Variants in MTUS1 observed in about 807,000 individuals in gnomAD.
MTUS1 encodes microtubule associated scaffold protein 1.
A neutral mutation model predicts 120.8 loss-of-function variants in MTUS1; 109 were observed. The ratio of observed to expected loss-of-function variants is 0.90; its 90% CI spans 0.77 to 1.06. The LOEUF is 1.06. Among genes scored for constraint, MTUS1 ranks in the 50% least tolerant of loss-of-function variants. The probability of loss-of-function intolerance (pLI) is 0.00; values close to 1 mark genes in which losing one functional copy is unlikely to be tolerated. For synonymous variants in MTUS1, 737 were observed against 550.5 expected, an observed-to-expected ratio of 1.34 and a Z score of -4.74; for missense variants, 2,210 against 1,486.3, an observed-to-expected ratio of 1.49 and a Z score of -8.01.
chr8:17,757,809 G>A (rs376400838), intron 1 of MTUS1, among the ~76,000 whole-genome samples: 8 of 152,182 alleles, frequency 5.3e-5, no homozygotes, highest in Non-Finnish European at 1.0e-4. Flanking sequence ...TTACAGGCAT[G>A]AGCCACCACG....
At chr8:17,673,735 G>A (rs750065634) in intron 8 of MTUS1, among the ~76,000 whole-genome samples, 2 of 152,286 alleles carry the variant, frequency 1.3e-5, no homozygotes, top group African/African-American at 4.8e-5. Context: ...GATTACAGGT[G>A]TGAGCTACCA....
At chr8:17,676,497 C>G (rs555219773) in intron 7 of MTUS1, 4 of 596,728 alleles carry the variant, frequency 6.7e-6, no homozygotes, top group Non-Finnish European at 1.2e-5. Context: ...CCGTGTGCCT[C>G]GGATTCCTCA....
rs373457770 is a variant in MTUS1, at chr8:17,715,891, G to T, written c.2460C>A (p.Ala820=). 6 of 1,610,666 alleles carry T rather than the reference G, an allele frequency of 3.7e-6. No individual in the cohort carries two copies. Among genetic ancestry groups the T allele is most frequent in the Non-Finnish European group, 3.4e-6 (4 of 1,179,166 alleles). Residue 820 remains alanine (A), a synonymous_variant, in exon 5 of 15, where the codon GCC becomes GCA. Coordinates refer to ENST00000693296, the MANE Select transcript of MTUS1 (RefSeq NM_001363059.2). ...LSTYSNNSGN[A]AVIKYEEKPP... ...GTTTCTCCTCATATTTGATGACAGC[G>T]GCATTACCAGCTGTAATAAAACAGA...
chr8:17,748,787 G>A (rs774757834), intron 2 of MTUS1, among the ~76,000 whole-genome samples: 2 of 152,148 alleles, frequency 1.3e-5, no homozygotes, highest in Non-Finnish European at 2.9e-5. Flanking sequence ...AAAAACTCCT[G>A]CAACAGTATT....
chr8:17,746,473 C>T (rs910535934), intron 2 of MTUS1, among the ~76,000 whole-genome samples: 11 of 152,096 alleles, frequency 7.2e-5, no homozygotes, highest in Non-Finnish European at 1.3e-4. Context: ...ACAATCATGG[C>T]AGAAGGTGAA....
At chr8:17,694,487 GA>G (rs1817572724) in intron 6 of MTUS1, among the ~76,000 whole-genome samples, 2 of 152,180 alleles carry the variant, frequency 1.3e-5, no homozygotes, top group African/African-American at 4.8e-5. Flanking sequence ...CCAACATGGT[GA>G]AACCCCATCT....
chr8:17,678,913 G>C (rs113517772), intron 7 of MTUS1, among the ~76,000 whole-genome samples: 2,410 of 152,188 alleles, frequency 0.016, 65 homozygotes, highest in African/African-American at 0.054. Flanking sequence ...TGTCTGTGCA[G>C]AATACCGTCT....
At chr8:17,673,592 C>G (rs1355009835) in intron 8 of MTUS1, among the ~76,000 whole-genome samples, 1 of 152,180 alleles carries the variant, frequency 6.6e-6, no homozygotes, top group African/African-American at 2.4e-5. Context: ...GCTGGGACAA[C>G]AGGCACACAC....
At chr8:17,697,550 G>A in intron 6 of MTUS1, 4 of 1,383,176 alleles carry the variant, frequency 2.9e-6, no homozygotes, top group South Asian at 1.9e-5. Flanking sequence ...ATCCCCCAGG[G>A]CTGGCCAAGT....
intron 6 of MTUS1, among the ~76,000 whole-genome samples, chr8:17,702,728 A>G (rs1287671697): frequency 6.6e-6 from 1 of 152,200 alleles, no homozygotes; most frequent in African/African-American, 2.4e-5. Flanking sequence ...AGGCTGCATA[A>G]TACTCCAGTG....
At chr8:17,741,149 G>C (rs148205583) in intron 3 of MTUS1, among the ~76,000 whole-genome samples, 298 of 152,086 alleles carry the variant, frequency 2.0e-3, no homozygotes, top group African/African-American at 7.0e-3. Flanking sequence ...AAAGTGCTGG[G>C]ATTACAAGCG....
intron 14 of MTUS1, 79 bp from the exon 15 acceptor site, chr8:17,646,218 C>CGCTAAGAAAAA: frequency 1.5e-6 from 2 of 1,368,862 alleles, no homozygotes; most frequent in Non-Finnish European, 1.9e-6. Flanking sequence ...GCGTTTGAAA[C>CGCTAAGAAAAA]TTTAAAGTCC....
chr8:17,754,641 T>C lies in MTUS1; in HGVS notation c.1167A>G (p.Gln389=), dbSNP rs1273828835. 1.2e-6 allele frequency: 2 copies of C among 1,614,232 alleles called. No individual in the cohort carries two copies. Among genetic ancestry groups the C allele is most frequent in the Admixed American group, 1.7e-5 (1 of 60,028 alleles). ...MVSKGKDLGT[Q]NHTSELILSS... The stretch of plus-strand genomic sequence containing the variant: ...TTAGAATCAATTCTGAGGTATGATT[T>C]TGGGTTCCCAAATCCTTTCCTTTGG... The change falls in exon 2 of 15, where the codon CAA becomes CAG. Residue 389 remains glutamine, a synonymous_variant. Transcript: ENST00000693296.
intron 6 of MTUS1, among the ~76,000 whole-genome samples, chr8:17,707,545 T>A (rs1820416486): frequency 6.6e-6 from 1 of 152,034 alleles, no homozygotes; most frequent in African/African-American, 2.4e-5. Flanking sequence ...ATATACAGAG[T>A]CATCTATAGA....
chr8:17,704,938 A>T (rs190638800), intron 6 of MTUS1, among the ~76,000 whole-genome samples: 6 of 152,264 alleles, frequency 3.9e-5, no homozygotes, highest in Non-Finnish European at 7.4e-5. Context: ...TGCTAATATA[A>T]CCTCAGTTTG....
chr8:17,765,250 C>T (rs897994615), intron 1 of MTUS1, among the ~76,000 whole-genome samples: 2 of 152,152 alleles, frequency 1.3e-5, no homozygotes, highest in African/African-American at 4.8e-5. Context: ...TGCCCCCTCG[C>T]CTGAAGCCTA....
At position 17,759,083 on chromosome 8, in the gene MTUS1, G is replaced by T. The variant is rs544963201; in HGVS notation, c.-154-3122C>A. Reference sequence around the variant, plus strand: ...TTTTTAGTAGAGATGGTGTTCCACTGTGTTAGCCAGCATGGTCTTGATCTC... The same window carrying T: ...TTTTTAGTAGAGATGGTGTTCCACTTTGTTAGCCAGCATGGTCTTGATCTC... On this transcript the variant is annotated intron_variant, in intron 1 of 14. Coordinates refer to ENST00000693296, the MANE Select transcript of MTUS1 (RefSeq NM_001363059.2). 3.7e-4 allele frequency among the ~76,000 whole-genome samples: 56 copies of T among 151,556 alleles called. 1 individual carries two copies. The South Asian group carries it at 0.01, about 28-fold the overall frequency.
chr8:17,702,433 A>C (rs978484000), intron 6 of MTUS1, among the ~76,000 whole-genome samples: 1 of 152,110 alleles, frequency 6.6e-6, no homozygotes. Context: ...CCTTCTCAAC[A>C]AAATTTTAAA....
chr8:17,777,020 C>A (rs932946603), intron 1 of MTUS1, among the ~76,000 whole-genome samples: 3 of 152,176 alleles, frequency 2.0e-5, no homozygotes, highest in African/African-American at 7.2e-5. Context: ...CCCCCTTTCT[C>A]TGAACACAGC....
Sources: allele counts gnomAD v4.1 joint callset (sites outside exome capture counted in the v4.1 genomes callset), GRCh38; gene constraint gnomAD v4.1.1; transcripts MANE v1.5; gene names NCBI Gene and HGNC (gene_info 2026-07-23, HGNC 2026-07-21).